GNB1: variants seen among roughly 807,000 people sequenced by gnomAD.
GNB1 encodes the protein G protein subunit beta 1.
GNB1 carries 2 observed loss-of-function variants against 42.9 expected under a neutral mutation model. That is an observed-to-expected ratio of 0.05 (90% CI 0.02 to 0.15). GNB1 has a LOEUF of 0.15. GNB1 is among the 10% of genes least tolerant of loss of function. The pLI is 1.00. For synonymous variants in GNB1, 183 were observed against 174.7 expected, an observed-to-expected ratio of 1.05 and a Z score of -0.38; for missense variants, 193 against 462.2, an observed-to-expected ratio of 0.42 and a Z score of 5.34.
chr1:1,804,607 A>C, intron 6 of GNB1, 26 bp from the exon 7 acceptor site: 17 of 1,527,954 alleles, frequency 1.1e-5, no homozygotes, highest in Non-Finnish European at 1.5e-5. Flanking sequence ...CAGATGATGC[A>C]AACAACTTTA....
intron 1 of GNB1, among the ~76,000 whole-genome samples, chr1:1,863,289 A>T (rs1288224275): frequency 6.6e-6 from 1 of 152,218 alleles, no homozygotes; most frequent in African/African-American, 2.4e-5. Context: ...CAAAGAAAAG[A>T]AAGTATGTGA....
chr1:1,888,562 G>GCGCGGTGGCT, intron 1 of GNB1, among the ~76,000 whole-genome samples: 1 of 152,298 alleles, frequency 6.6e-6, no homozygotes, highest in Middle Eastern at 3.4e-3. Flanking sequence ...TACCGGCTGG[G>GCGCGGTGGCT]CGCGGTGGCT....
chr1:1,806,588 G>T, intron 5 of GNB1, 50 bp from the exon 6 acceptor site: 2 of 1,244,518 alleles, frequency 1.6e-6, no homozygotes, highest in Non-Finnish European at 2.4e-6. Context: ...AACACAGAAA[G>T]TGTACAAGAG....
chr1:1,857,604 C>A (rs1042534771), intron 1 of GNB1, among the ~76,000 whole-genome samples: 1 of 152,042 alleles, frequency 6.6e-6, no homozygotes, highest in African/African-American at 2.4e-5. Flanking sequence ...GAGAAGGGAA[C>A]ATGGGTAGGC....
intron 1 of GNB1, among the ~76,000 whole-genome samples, chr1:1,867,340 T>C (rs564312050): frequency 6.6e-6 from 1 of 152,340 alleles, no homozygotes; most frequent in Admixed American, 6.5e-5. Context: ...TGGACAAGCA[T>C]GACTAGGCAT....
At chr1:1,850,029 C>T (rs1305346206) in intron 1 of GNB1, among the ~76,000 whole-genome samples, 1 of 152,114 alleles carries the variant, frequency 6.6e-6, no homozygotes, top group East Asian at 1.9e-4. Context: ...AGTACAATGG[C>T]ACAATCTCAG....
intron 1 of GNB1, among the ~76,000 whole-genome samples, chr1:1,852,560 T>C (rs1648049465): frequency 6.6e-6 from 1 of 151,786 alleles, no homozygotes; most frequent in African/African-American, 2.4e-5. Flanking sequence ...ATTGGCATGG[T>C]GGTGCATACC....
chr1:1,799,199 C>T (rs1338804555), intron 7 of GNB1, among the ~76,000 whole-genome samples: 1 of 152,142 alleles, frequency 6.6e-6, no homozygotes, highest in Non-Finnish European at 1.5e-5. Flanking sequence ...GGATTACAGG[C>T]GTGAGCCACC....
chr1:1,847,607 T>C (rs1647739101), intron 1 of GNB1, among the ~76,000 whole-genome samples: 1 of 152,190 alleles, frequency 6.6e-6, no homozygotes, highest in African/African-American at 2.4e-5. Context: ...TGTTTAAGTC[T>C]GGAAGGATTA....
intron 1 of GNB1, among the ~76,000 whole-genome samples, chr1:1,885,184 G>A (rs1650079293): frequency 6.6e-6 from 1 of 151,416 alleles, no homozygotes; most frequent in African/African-American, 2.4e-5. Context: ...AGGCGGAGGC[G>A]GGCGGATCAC....
At chr1:1,842,717 G>A (rs778471609) in intron 1 of GNB1, among the ~76,000 whole-genome samples, 5 of 152,246 alleles carry the variant, frequency 3.3e-5, no homozygotes, top group Admixed American at 6.5e-5. Flanking sequence ...AGCTAGAGAC[G>A]GTGGTTGCAA....
At chr1:1,872,726 C>G (rs1320459602) in intron 1 of GNB1, among the ~76,000 whole-genome samples, 2 of 152,178 alleles carry the variant, frequency 1.3e-5, no homozygotes, top group African/African-American at 4.8e-5. Flanking sequence ...CCTCTCCACC[C>G]AACAGCTCAC....
At position 1,790,575 on chromosome 1, in the gene GNB1, G is replaced by A. The variant is rs374082962; in HGVS notation, c.519C>T (p.Thr173=). 3.3e-5 allele frequency: 53 copies of A among 1,613,012 alleles called. No homozygotes were observed. Among genetic ancestry groups the A allele is most frequent in the Non-Finnish European group, 4.1e-5 (48 of 1,179,192 alleles). Reference sequence around the variant, plus strand: ...CGGTAAACGTGGTCGTCTGCTGGCCGGTCTCGATGTCCCACAGGGCACTGG... The same window carrying A: ...CGGTAAACGTGGTCGTCTGCTGGCCAGTCTCGATGTCCCACAGGGCACTGG... ...DTTCALWDIE[T]GQQTTTFTGH... The change falls in exon 9 of 12, where the codon ACC becomes ACT. Residue 173 remains threonine, a synonymous_variant. Coordinates refer to ENST00000378609, the MANE Select transcript of GNB1 (RefSeq NM_002074.5). The surrounding 1 kb of genome is among the most constrained non-coding windows in gnomAD (Gnocchi z 5.4).
rs565813384 is a variant in GNB1, at chr1:1,836,193, C to T, written c.-47+2997G>A. 3.3e-5 allele frequency among the ~76,000 whole-genome samples: 5 copies of T among 152,136 alleles called. No homozygotes were observed. The East Asian group carries it at 5.8e-4, about 18-fold the overall frequency. On this transcript the variant is annotated intron_variant, in intron 2 of 11. Coordinates refer to ENST00000378609, the MANE Select transcript of GNB1 (RefSeq NM_002074.5). ...ATCCTATAAGCAATGTGGAGAGTCC[C>T]GGCTCCTCACGCCCAACAACGCTGG...
intron 5 of GNB1, among the ~76,000 whole-genome samples, chr1:1,815,215 G>C (rs1217702144): frequency 1.3e-5 from 2 of 152,192 alleles, no homozygotes; most frequent in Non-Finnish European, 2.9e-5. Flanking sequence ...AGACAGGCCA[G>C]ATGAGAGAAT....
intron 10 of GNB1, 104 bp downstream of exon 10, chr1:1,788,949 C>T (rs1439440292): frequency 1.2e-6 from 1 of 817,392 alleles, no homozygotes; most frequent in African/African-American, 1.7e-5. Flanking sequence ...ATGCCACAGT[C>T]CCACCGATAC....
rs555470442 is a variant in GNB1, at chr1:1,835,202, G to T, written c.-47+3988C>A. Reference sequence around the variant, plus strand: ...GCATTTGCAGGTCCAGCCCACTTAAGCAGGACCAATGATGTCTGACAGCCC... The same window carrying T: ...GCATTTGCAGGTCCAGCCCACTTAATCAGGACCAATGATGTCTGACAGCCC... On this transcript the variant is annotated intron_variant, in intron 2 of 11. Coordinates refer to ENST00000378609, the MANE Select transcript of GNB1 (RefSeq NM_002074.5). Among the ~76,000 whole-genome samples the T allele has an allele frequency of 9.8e-5, 15 of 152,320 alleles. No homozygotes were observed. The East Asian group carries it at 2.9e-3, about 29-fold the overall frequency.
chr1:1,839,971 G>A (rs540820543), intron 1 of GNB1, among the ~76,000 whole-genome samples: 1 of 151,526 alleles, frequency 6.6e-6, no homozygotes, highest in Non-Finnish European at 1.5e-5. Flanking sequence ...TCTGGCCAAC[G>A]TGGCTAACTA....
chr1:1,799,168 C>T (rs1055073052), intron 7 of GNB1, among the ~76,000 whole-genome samples: 33 of 152,174 alleles, frequency 2.2e-4, no homozygotes, highest in African/African-American at 8.0e-4. Flanking sequence ...GATCCGCCTG[C>T]CTCGGCCTCC....
Sources: gnomAD v4.1 joint callset for allele counts (sites outside exome capture counted in the v4.1 genomes callset) on GRCh38, gnomAD v4.1.1 for gene constraint, Gnocchi (gnomAD v3.1) non-coding constraint, MANE v1.5 for transcripts, NCBI Gene and HGNC (gene_info 2026-07-23, HGNC 2026-07-21) for gene names.